The following SGCD variants were observed in gnomAD, a reference collection of about 807,000 sequenced individuals.
SGCD encodes the protein delta-sarcoglycan.
A neutral mutation model predicts 36.6 loss-of-function variants in SGCD; 18 were observed. The ratio of observed to expected loss-of-function variants is 0.49; its 90% CI spans 0.34 to 0.73. The LOEUF is 0.73. SGCD is among the 30% of genes least tolerant of loss of function. SGCD has a pLI of 0.01. For synonymous variants in SGCD, 133 were observed against 130.6 expected, an observed-to-expected ratio of 1.02 and a Z score of -0.12; for missense variants, 387 against 346.7, an observed-to-expected ratio of 1.12 and a Z score of -0.92.
At chr5:156,308,057 C>T (rs186558209) in intron 3 of SGCD, among the ~76,000 whole-genome samples, 273 of 152,186 alleles carry the variant, frequency 1.8e-3, no homozygotes, top group African/African-American at 6.4e-3. Flanking sequence ...TCCTAATTTC[C>T]CTTGTATTTA....
intron 1 of SGCD, among the ~76,000 whole-genome samples, chr5:155,971,730 TA>T: frequency 6.6e-6 from 1 of 152,270 alleles, no homozygotes; most frequent in Non-Finnish European, 1.5e-5. Context: ...GAATCCTTCA[TA>T]CCTGTTGAGT....
chr5:156,568,721 G>C (rs1461464149), intron 4 of SGCD, among the ~76,000 whole-genome samples: 1 of 152,192 alleles, frequency 6.6e-6, no homozygotes. Flanking sequence ...GTGCAGATTT[G>C]CTTAGTGAAT....
At chr5:155,819,414 G>A in the SGCD span, among the ~76,000 whole-genome samples, 5 of 152,126 alleles carry the variant, frequency 3.3e-5, no homozygotes. Flanking sequence ...GTGTCTGGGG[G>A]AGTAGAAATG....
intron 3 of SGCD, among the ~76,000 whole-genome samples, chr5:156,197,190 T>TG (rs1185259824): frequency 6.6e-6 from 1 of 152,160 alleles, no homozygotes; most frequent in Non-Finnish European, 1.5e-5. Flanking sequence ...AAAAGTGCCA[T>TG]GGAGGGGTCA....
At chr5:155,983,389 TC>T (rs1758267462) in intron 1 of SGCD, among the ~76,000 whole-genome samples, 1 of 152,162 alleles carries the variant, frequency 6.6e-6, no homozygotes, top group Admixed American at 6.5e-5. Flanking sequence ...AACCTCCACC[TC>T]CCAGGTTCGA....
the SGCD span, among the ~76,000 whole-genome samples, chr5:155,855,739 CAG>C: frequency 6.6e-6 from 1 of 152,014 alleles, no homozygotes; most frequent in African/African-American, 2.4e-5. Context: ...GGTTGAGATT[CAG>C]AGAGGACAAA....
At chr5:156,757,896 C>T in intron 8 of SGCD, 192 bp downstream of exon 8, 1 of 1,316,524 alleles carries the variant, frequency 7.6e-7, no homozygotes. Flanking sequence ...GTGATGATTT[C>T]TTATTTGTAA....
chr5:156,479,347 C>T (rs779154367), intron 3 of SGCD, among the ~76,000 whole-genome samples: 9 of 151,742 alleles, frequency 5.9e-5, no homozygotes, highest in East Asian at 5.9e-4. Context: ...CCAGCCGCCT[C>T]GGCCTCCCAA....
the SGCD span, among the ~76,000 whole-genome samples, chr5:155,767,079 T>G: frequency 6.6e-6 from 1 of 152,202 alleles, no homozygotes; most frequent in Non-Finnish European, 1.5e-5. Flanking sequence ...GTTCTATTAG[T>G]CATGCATAGC....
At chr5:156,335,348 G>A (rs1768293949) in intron 2 of SGCD, among the ~76,000 whole-genome samples, 1 of 152,170 alleles carries the variant, frequency 6.6e-6, no homozygotes, top group Non-Finnish European at 1.5e-5. Flanking sequence ...AAACTGTACA[G>A]ATACACTTTG....
chr5:156,058,726 T>C (rs1359912990), intron 1 of SGCD, among the ~76,000 whole-genome samples: 1 of 146,524 alleles, frequency 6.8e-6, no homozygotes, highest in African/African-American at 2.5e-5. Flanking sequence ...GGTATTACAT[T>C]ATGATTAATG....
chr5:156,191,909 C>T (rs1056735731), intron 3 of SGCD, among the ~76,000 whole-genome samples: 3 of 152,082 alleles, frequency 2.0e-5, no homozygotes, highest in Non-Finnish European at 4.4e-5. Context: ...CTTCAGAAAA[C>T]TGTTGAAAAG....
At chr5:156,653,672 G>A (rs1352436976) in intron 7 of SGCD, among the ~76,000 whole-genome samples, 1 of 151,666 alleles carries the variant, frequency 6.6e-6, no homozygotes, top group Non-Finnish European at 1.5e-5. Context: ...CCAGACCAGT[G>A]TGTCTGTGAA....
At chr5:156,288,616 G>T (rs1014253852) in intron 3 of SGCD, among the ~76,000 whole-genome samples, 5 of 152,132 alleles carry the variant, frequency 3.3e-5, no homozygotes, top group African/African-American at 1.2e-4. Context: ...TGTGTTAGTG[G>T]TTTCATGGGA....
chr5:156,291,408 A>G (rs1038992286), intron 3 of SGCD, among the ~76,000 whole-genome samples: 3 of 152,114 alleles, frequency 2.0e-5, no homozygotes, highest in Non-Finnish European at 4.4e-5. Flanking sequence ...AAATAAAATA[A>G]TGAATCAATA....
At chr5:156,499,614 G>A (rs759281076) in intron 3 of SGCD, among the ~76,000 whole-genome samples, 11 of 152,150 alleles carry the variant, frequency 7.2e-5, no homozygotes, top group Non-Finnish European at 1.3e-4. Flanking sequence ...TGCTGGCCAA[G>A]GGAAGGGCAT....
intron 6 of SGCD, among the ~76,000 whole-genome samples, chr5:156,609,053 T>G (rs1446297740): frequency 6.6e-6 from 1 of 152,168 alleles, no homozygotes; most frequent in Non-Finnish European, 1.5e-5. Context: ...CATTTAAGGT[T>G]AATATTGTTA....
intron 3 of SGCD, among the ~76,000 whole-genome samples, chr5:156,365,783 G>A (rs1020025556): frequency 8.0e-5 from 12 of 150,878 alleles, no homozygotes; most frequent in African/African-American, 2.9e-4. Flanking sequence ...ATATTTCCAT[G>A]TGTATATGCA....
At chr5:156,385,186 C>A (rs985179472) in intron 3 of SGCD, among the ~76,000 whole-genome samples, 1 of 152,192 alleles carries the variant, frequency 6.6e-6, no homozygotes, top group Non-Finnish European at 1.5e-5. Flanking sequence ...TGACTAGTAA[C>A]CAGTCCTATG....
Sources: allele counts gnomAD v4.1 joint callset (sites outside exome capture counted in the v4.1 genomes callset), GRCh38; gene constraint gnomAD v4.1.1; transcripts MANE v1.5; gene names NCBI Gene and HGNC (gene_info 2026-07-23, HGNC 2026-07-21).